The following CCL26 variants were observed in gnomAD, a reference collection of about 807,000 sequenced individuals.
CCL26 encodes the protein C-C motif chemokine 26.
Under a neutral mutation model 10.7 loss-of-function variants are expected in CCL26, and 10 were observed. The ratio of observed to expected loss-of-function variants is 0.93; its 90% CI spans 0.57 to 1.58. The LOEUF (loss-of-function observed/expected upper bound fraction) is 1.58. Ranked by LOEUF, CCL26 falls within the 40% of genes most tolerant of loss-of-function variation. CCL26 has a pLI of 0.00. For missense variants in CCL26, 116 were observed against 111.0 expected (o/e 1.05, Z -0.20); for synonymous variants, 43 against 41.4 (o/e 1.04, Z -0.15).
At chr7:75,784,896 C>T (rs1231235996) in intron 1 of CCL26, among the ~76,000 whole-genome samples, 3 of 152,126 alleles carry the variant, frequency 2.0e-5, no homozygotes, top group Non-Finnish European at 4.4e-5. Context: ...ATCACCCTTA[C>T]ACCGCTCAAC....
chr7:75,783,800 A>AG (rs1412677740), intron 1 of CCL26, among the ~76,000 whole-genome samples: 8 of 151,740 alleles, frequency 5.3e-5, no homozygotes, highest in African/African-American at 1.9e-4. Flanking sequence ...AAAAAAAAAA[A>AG]AAAGAAAGAA....
At chr7:75,772,704 A>G (rs2115642564), upstream of CCL26, among the ~76,000 whole-genome samples, 1 of 151,906 alleles carries the variant, frequency 6.6e-6, no homozygotes, top group Admixed American at 6.6e-5. Context: ...CAAGTGACAG[A>G]TGGTAGAGAT....
At chr7:75,786,375 C>T (rs941461976) in intron 1 of CCL26, among the ~76,000 whole-genome samples, 6 of 152,196 alleles carry the variant, frequency 3.9e-5, no homozygotes, top group African/African-American at 7.2e-5. Flanking sequence ...GGCTACCGCT[C>T]TGCCTCCCTC....
At chr7:75,789,375 T>C (rs1554530450) in intron 1 of CCL26, among the ~76,000 whole-genome samples, 1 of 151,966 alleles carries the variant, frequency 6.6e-6, no homozygotes, top group Non-Finnish European at 1.5e-5. Context: ...CCTCCCTACG[T>C]TCTCTCCCTC....
At chr7:75,790,232 T>G (rs1585018288), upstream of CCL26, among the ~76,000 whole-genome samples, 2 of 133,020 alleles carry the variant, frequency 1.5e-5, no homozygotes, top group South Asian at 5.4e-4. Flanking sequence ...CCTTCCTTCC[T>G]TCCTTCCATC....
At chr7:75,787,168 C>T (rs1402412305) in intron 1 of CCL26, among the ~76,000 whole-genome samples, 1 of 152,180 alleles carries the variant, frequency 6.6e-6, no homozygotes, top group Non-Finnish European at 1.5e-5. Context: ...CATTTCTTCC[C>T]TTCTGTCAGA....
chr7:75,783,742 G>C (rs185444185), intron 1 of CCL26, among the ~76,000 whole-genome samples: 6 of 149,162 alleles, frequency 4.0e-5, no homozygotes, highest in Middle Eastern at 3.2e-3. Context: ...AGCTGAGATC[G>C]TGCCACTGCA....
chr7:75,787,380 C>T (rs558476221), intron 1 of CCL26, among the ~76,000 whole-genome samples: 15 of 152,162 alleles, frequency 9.9e-5, no homozygotes, highest in African/African-American at 2.9e-4. Context: ...CACAGTGGCT[C>T]ACGCCTGTAA....
Position 75,770,824 on chromosome 7 carries a change from C to T in CCL26, c.189-1035G>A, listed in dbSNP as rs190368658. Among the ~76,000 whole-genome samples the T allele has an allele frequency of 5.1e-3, 777 of 152,238 alleles. 3 individuals are homozygous for T. The highest frequency in any genetic ancestry group is 6.6e-3 in the Non-Finnish European group (448 of 68,030). ...CGGAGTAACTGGGCTTACAGGCCTG[C>T]GCCACCTCACCTGGCTGATTCTTTC... On this transcript the variant is annotated intron_variant, in intron 2 of 2. Transcript: ENST00000005180.
At chr7:75,778,639 T>G (rs535984494) in intron 1 of CCL26, among the ~76,000 whole-genome samples, 1 of 150,882 alleles carries the variant, frequency 6.6e-6, no homozygotes, top group East Asian at 2.0e-4. Flanking sequence ...TTTTTTTTTT[T>G]TTTTTGAGAC....
chr7:75,770,533 C>T (rs546915038), intron 2 of CCL26, among the ~76,000 whole-genome samples: 191 of 152,002 alleles, frequency 1.3e-3, no homozygotes, highest in African/African-American at 4.4e-3. Context: ...AGGCATGCGC[C>T]ACCACGTCCA....
upstream of CCL26, among the ~76,000 whole-genome samples, chr7:75,773,718 A>C (rs1802878459): frequency 1.3e-5 from 2 of 151,862 alleles, no homozygotes; most frequent in Non-Finnish European, 2.9e-5. Context: ...TCTACTAAAA[A>C]TACAAAAATT....
upstream of CCL26, among the ~76,000 whole-genome samples, chr7:75,772,665 A>AAC (rs1554528307): frequency 3.1e-3 from 460 of 149,890 alleles, no homozygotes; most frequent in African/African-American, 0.01. Flanking sequence ...AAAAAAAAAA[A>AAC]AAACAAACAA....
chr7:75,785,607 CAAG>C (rs1448138940), intron 1 of CCL26, among the ~76,000 whole-genome samples: 1 of 152,202 alleles, frequency 6.6e-6, no homozygotes, highest in Non-Finnish European at 1.5e-5. Flanking sequence ...TACTTAACAA[CAAG>C]TCCTTTCCTT....
chr7:75,790,726 T>C (rs1803312721), upstream of CCL26, among the ~76,000 whole-genome samples: 1 of 152,026 alleles, frequency 6.6e-6, no homozygotes, highest in Admixed American at 6.6e-5. Context: ...GGCAGATCAC[T>C]GGAGGTCAGG....
upstream of CCL26, among the ~76,000 whole-genome samples, chr7:75,773,945 A>G (rs548440924): frequency 6.6e-6 from 1 of 152,250 alleles, no homozygotes; most frequent in South Asian, 2.1e-4. Context: ...CCTGGCTTCA[A>G]GGCGATCTGC....
At chr7:75,770,078 T>C (rs1323023028) in intron 2 of CCL26, among the ~76,000 whole-genome samples, 1 of 151,956 alleles carries the variant, frequency 6.6e-6, no homozygotes, top group Non-Finnish European at 1.5e-5. Context: ...AATTTTTTTT[T>C]TTTTTTTTTG....
chr7:75,789,699 A>G (rs1356993008), intron 1 of CCL26: 1 of 149,282 alleles, frequency 6.7e-6, no homozygotes, highest in Non-Finnish European at 1.5e-5. Flanking sequence ...TCCCAGAAAC[A>G]AAGTCCCTGA....
At chr7:75,772,357 TG>T (rs11465331), upstream of CCL26, 71 of 597,630 alleles carry the variant, frequency 1.2e-4, 1 homozygote, top group African/African-American at 9.1e-4. Context: ...AATTAGACAG[TG>T]AAGAAAGATA....
Sources: gnomAD v4.1 joint callset for allele counts (sites outside exome capture counted in the v4.1 genomes callset) on GRCh38, gnomAD v4.1.1 for gene constraint, MANE v1.5 for transcripts, NCBI Gene and HGNC (gene_info 2026-07-23, HGNC 2026-07-21) for gene names.